Variants in CACNA1C observed in about 807,000 individuals in gnomAD.
CACNA1C encodes calcium voltage-gated channel subunit alpha1 C.
In CACNA1C, 30 loss-of-function variants were observed where a neutral mutation model predicts 229.0. The observed-to-expected ratio is 0.13, with a 90% confidence interval of 0.10 to 0.18. The LOEUF (loss-of-function observed/expected upper bound fraction) is 0.18. CACNA1C is among the 10% of genes least tolerant of loss of function. CACNA1C has a pLI of 1.00. For missense variants in CACNA1C, 1,658 were observed against 2,845.0 expected, an observed-to-expected ratio of 0.58 and a Z score of 9.49; for synonymous variants, 1,114 against 1,132.5, an observed-to-expected ratio of 0.98 and a Z score of 0.33.
intron 3 of CACNA1C, among the ~76,000 whole-genome samples, chr12:2,170,110 T>G (rs1220184806): frequency 6.6e-6 from 1 of 152,144 alleles, no homozygotes; most frequent in African/African-American, 2.4e-5. Context: ...AGTAGATGCT[T>G]AGGAGATGAA....
intron 9 of CACNA1C, among the ~76,000 whole-genome samples, chr12:2,518,945 A>G (rs2099804044): frequency 6.6e-6 from 1 of 152,206 alleles, no homozygotes; most frequent in South Asian, 2.1e-4. Flanking sequence ...AGGTGAGGAA[A>G]CTGGAGCCCA....
chr12:2,420,695 G>A (rs1271100408), intron 3 of CACNA1C, among the ~76,000 whole-genome samples: 1 of 152,228 alleles, frequency 6.6e-6, no homozygotes, highest in African/African-American at 2.4e-5. Flanking sequence ...AATAAAACAT[G>A]GTGAGCATCC....
chr12:2,601,812 C>CT lies in CACNA1C; in HGVS notation c.2854-41dup, dbSNP rs1568697909. 7.4e-7 allele frequency: 1 copy of CT among 1,345,842 alleles called. No homozygotes were observed. The highest frequency in any genetic ancestry group is 1.2e-5 in the South Asian group (1 of 85,750). 83.4% of individuals were successfully genotyped at this position (1,345,842 alleles called of 1,614,324 possible). On this transcript the variant is annotated intron_variant, in intron 21 of 46. Coordinates refer to ENST00000399655, the MANE Select transcript of CACNA1C (RefSeq NM_000719.7). The surrounding 1 kb of genome is among the most constrained non-coding windows in gnomAD (Gnocchi z 5.9). The stretch of plus-strand genomic sequence containing the variant: ...GGTGTGAGGGGTCTCTGGGCTAGGG[C>CT]TAGGGCCACTCACACTGGTGTTCCT...
chr12:2,119,451 G>A (rs1050959178), intron 2 of CACNA1C, among the ~76,000 whole-genome samples: 9 of 152,186 alleles, frequency 5.9e-5, no homozygotes, highest in Non-Finnish European at 1.0e-4. Context: ...GGGTGGTCCC[G>A]TCGGAAGGGG....
chr12:2,273,911 A>C (rs2086419542), intron 3 of CACNA1C, among the ~76,000 whole-genome samples: 1 of 152,276 alleles, frequency 6.6e-6, no homozygotes, highest in Admixed American at 6.5e-5. Flanking sequence ...CCCTGACCTG[A>C]TGAGCACCTG....
chr12:2,677,898 C>A lies in CACNA1C; in HGVS notation c.5091+31C>A. The A allele has an allele frequency of 9.9e-6, 16 of 1,610,910 alleles. No individual in the cohort carries two copies. Among genetic ancestry groups the A allele is most frequent in the Non-Finnish European group, 1.3e-5 (15 of 1,177,592 alleles). ...TGGTGCCATGGCGCACTCTCGACCC[C>A]TATAAAGTTCAGTTTGGAGCAAGAG... On this transcript the variant is annotated intron_variant, in intron 41 of 46. Coordinates refer to ENST00000399655, the MANE Select transcript of CACNA1C (RefSeq NM_000719.7). The surrounding 1 kb of genome is among the most constrained non-coding windows in gnomAD (Gnocchi z 7.4).
intron 6 of CACNA1C, among the ~76,000 whole-genome samples, chr12:2,492,283 C>G (rs757374383): frequency 2.0e-5 from 3 of 152,152 alleles, no homozygotes; most frequent in Non-Finnish European, 4.4e-5. Context: ...GGGAGCTATT[C>G]CCAGCACGTG....
At position 2,486,048 on chromosome 12, in the gene CACNA1C, G is replaced by A; in HGVS notation, c.758-56G>A. ...AGTTGCTGGAAGATTGCATGAGATG[G>A]CGTCAGCACGGTACCGCGGTGATGC... On this transcript the variant is annotated intron_variant, in intron 5 of 46. Coordinates refer to ENST00000399655, the MANE Select transcript of CACNA1C (RefSeq NM_000719.7). The surrounding 1 kb of genome is among the most constrained non-coding windows in gnomAD (Gnocchi z 4.9). 1 of 1,403,140 alleles carries A rather than the reference G, an allele frequency of 7.1e-7. No individual in the cohort carries two copies. Among genetic ancestry groups the A allele is most frequent in the East Asian group, 2.5e-5 (1 of 40,626 alleles). 86.9% of individuals were successfully genotyped at this position (1,403,140 alleles called of 1,614,324 possible).
intron 3 of CACNA1C, among the ~76,000 whole-genome samples, chr12:2,406,388 G>A (rs2098737468): frequency 1.3e-5 from 2 of 152,100 alleles, no homozygotes. Context: ...CTGATGACAT[G>A]GATGTTAGAG....
intron 1 of CACNA1C, among the ~76,000 whole-genome samples, chr12:2,081,703 G>T (rs565137006): frequency 2.6e-5 from 4 of 152,128 alleles, no homozygotes; most frequent in African/African-American, 7.2e-5. Context: ...ACCTGGCATT[G>T]CAAATGTATT....
chr12:2,670,865 T>G (rs1315071911), intron 38 of CACNA1C, among the ~76,000 whole-genome samples: 1 of 110,022 alleles, frequency 9.1e-6, no homozygotes, highest in Admixed American at 8.8e-5. Flanking sequence ...AAAAATAAAA[T>G]AAAATAATAA....
chr12:2,313,323 C>T (rs2095531439), intron 3 of CACNA1C, among the ~76,000 whole-genome samples: 1 of 152,180 alleles, frequency 6.6e-6, no homozygotes, highest in Non-Finnish European at 1.5e-5. Flanking sequence ...TCAAGGTCAT[C>T]CCTAGCCTCC....
chr12:2,378,317 G>A (rs572299308), intron 3 of CACNA1C, among the ~76,000 whole-genome samples: 8 of 152,304 alleles, frequency 5.3e-5, no homozygotes, highest in African/African-American at 1.4e-4. Flanking sequence ...ACGGGCCTCT[G>A]CATGTGGATG....
intron 7 of CACNA1C, among the ~76,000 whole-genome samples, chr12:2,497,260 G>C (rs1568037103): frequency 6.6e-6 from 1 of 152,180 alleles, no homozygotes; most frequent in Non-Finnish European, 1.5e-5. Context: ...CACACTGTGG[G>C]CAGTCACAAT....
chr12:2,606,754 T>C (rs941761789), intron 25 of CACNA1C, 91 bp downstream of exon 25: 7 of 1,191,906 alleles, frequency 5.9e-6, no homozygotes, highest in South Asian at 1.4e-5. Context: ...GCTCATTTTC[T>C]AAGACTGCAG....
At chr12:2,096,202 G>C (rs2073884903) in intron 1 of CACNA1C, among the ~76,000 whole-genome samples, 1 of 152,240 alleles carries the variant, frequency 6.6e-6, no homozygotes. Context: ...GAAAACTGTT[G>C]ATATATTTGA....
chr12:2,150,595 A>AAT (rs2095154401), intron 3 of CACNA1C, among the ~76,000 whole-genome samples: 1 of 152,234 alleles, frequency 6.6e-6, no homozygotes, highest in Non-Finnish European at 1.5e-5. Flanking sequence ...GTGGCTTTAA[A>AAT]ATAGGTAAGG....
intron 3 of CACNA1C, among the ~76,000 whole-genome samples, chr12:2,278,415 C>T (rs1402404268): frequency 6.6e-6 from 1 of 152,138 alleles, no homozygotes; most frequent in Non-Finnish European, 1.5e-5. Flanking sequence ...AGTAGCTCAG[C>T]CCTCCTCCCC....
rs1347208230 is a variant in CACNA1C at position 2,633,870 on chromosome 12, G to A, written c.3829-427G>A. Among the ~76,000 whole-genome samples, 5 of 151,656 alleles carry A rather than the reference G, an allele frequency of 3.3e-5. No homozygotes were observed. The highest frequency in any genetic ancestry group is 1.9e-4 in the East Asian group (1 of 5,148). ...AGTCATGCCTTTTATTGAACCTGCCGTCGTCCTGTGGGGGAAAAAAAGTGG... is the reference window on the plus strand; with the variant it reads ...AGTCATGCCTTTTATTGAACCTGCCATCGTCCTGTGGGGGAAAAAAAGTGG... On this transcript the variant is annotated intron_variant, in intron 29 of 46. Coordinates refer to ENST00000399655, the MANE Select transcript of CACNA1C (RefSeq NM_000719.7). The surrounding 1 kb of genome is among the most constrained non-coding windows in gnomAD (Gnocchi z 5.8).
Sources: allele counts gnomAD v4.1 joint callset (sites outside exome capture counted in the v4.1 genomes callset), GRCh38; gene constraint gnomAD v4.1.1; non-coding constraint Gnocchi (gnomAD v3.1); transcripts MANE v1.5; gene names NCBI Gene and HGNC (gene_info 2026-07-23, HGNC 2026-07-21).